The following ABCC5 variants were observed in gnomAD, a reference collection of about 807,000 sequenced individuals.
The protein encoded by ABCC5 is ATP binding cassette subfamily C member 5.
In ABCC5, 61 loss-of-function variants were observed where a neutral mutation model predicts 160.9. The ratio of observed to expected loss-of-function variants is 0.38; its 90% CI spans 0.31 to 0.47. The LOEUF (loss-of-function observed/expected upper bound fraction) is 0.47, where lower values mean the gene tolerates loss of function less well. ABCC5 is among the 20% of genes least tolerant of loss of function. The pLI is 0.99. For missense variants in ABCC5, 1,308 were observed against 1,813.3 expected, an observed-to-expected ratio of 0.72 and a Z score of 5.06; for synonymous variants, 666 against 700.6, an observed-to-expected ratio of 0.95 and a Z score of 0.78.
At chr3:183,923,098 C>G (rs563653140) in intron 29 of ABCC5, among the ~76,000 whole-genome samples, 10 of 151,986 alleles carry the variant, frequency 6.6e-5, no homozygotes, top group Admixed American at 4.6e-4. Flanking sequence ...TATTACAATG[C>G]TCGTCTCTGG....
chr3:183,927,231 G>T, intron 28 of ABCC5, 99 bp downstream of exon 28: 1 of 1,199,264 alleles, frequency 8.3e-7, no homozygotes, highest in Non-Finnish European at 1.2e-6. Context: ...GTGCCAACAG[G>T]GATCAGAGCC....
intron 8 of ABCC5, among the ~76,000 whole-genome samples, chr3:183,979,873 C>G (rs370316797): frequency 2.0e-3 from 297 of 151,364 alleles, no homozygotes; most frequent in African/African-American, 6.8e-3. Flanking sequence ...CCTCGCCCGG[C>G]CAATACTTTT....
rs201860498 is a variant in ABCC5, at chr3:183,985,471, G to A, written c.591+2299C>T. 8.5e-4 allele frequency: 926 copies of A among 1,083,700 alleles called. 3 individuals carry two copies. The highest frequency in any genetic ancestry group is 1.2e-3 in the Non-Finnish European group (858 of 696,712). The allele number at this position is 1,083,700 out of a possible 1,614,324, so 67.1% of individuals were successfully genotyped here. A position where few individuals can be genotyped will look rare whatever the true frequency, so the allele number is the denominator to read the frequency against. On this transcript the variant is annotated intron_variant, in intron 5 of 29. Transcript: ENST00000334444. ...ACCAAGCAAGCTGCAGGTGGAGAGA[G>A]GTTGGAAGGGTGGGAAACTTACCTC...
At chr3:183,944,408 AT>A (rs1255669382) in intron 24 of ABCC5, among the ~76,000 whole-genome samples, 14 of 152,150 alleles carry the variant, frequency 9.2e-5, no homozygotes, top group Non-Finnish European at 1.9e-4. Flanking sequence ...AAATAAAAAA[AT>A]AAAAAATAAA....
chr3:183,946,065 A>G, intron 23 of ABCC5, 126 bp from the exon 24 acceptor site: 1 of 840,884 alleles, frequency 1.2e-6, no homozygotes, highest in Non-Finnish European at 2.0e-6. Flanking sequence ...GGTCTTAGGG[A>G]CCTAGTCATT....
rs1215522076 is a variant in ABCC5, at chr3:183,982,430, T to G, written c.999+21A>C. Reference sequence around the variant, plus strand: ...TCTCCTAAGGAGAAGCTGCCAGGATTCAGCTGGGAGGCTTACTCACCATTG... The same window carrying G: ...TCTCCTAAGGAGAAGCTGCCAGGATGCAGCTGGGAGGCTTACTCACCATTG... On this transcript the variant is annotated intron_variant, in intron 7 of 29. Transcript: ENST00000334444. The surrounding 1 kb of genome is among the most constrained non-coding windows in gnomAD (Gnocchi z 5.2). 4 of 1,609,388 alleles carry G rather than the reference T, an allele frequency of 2.5e-6. No homozygotes were observed. The highest frequency in any genetic ancestry group is 2.5e-6 in the Non-Finnish European group (3 of 1,177,396).
At chr3:183,962,283 C>T (rs529951895) in intron 15 of ABCC5, among the ~76,000 whole-genome samples, 1 of 152,144 alleles carries the variant, frequency 6.6e-6, no homozygotes, top group African/African-American at 2.4e-5. Flanking sequence ...TTTTTCAATA[C>T]TATGCTGAAA....
At chr3:183,952,919 C>G (rs1162660447) in intron 18 of ABCC5, among the ~76,000 whole-genome samples, 167 bp downstream of exon 18, 3 of 152,162 alleles carry the variant, frequency 2.0e-5, no homozygotes, top group South Asian at 2.1e-4. Context: ...CGTTTTTTTC[C>G]TTCTGGTGAG....
At chr3:183,924,663 T>A (rs1290439538) in intron 29 of ABCC5, among the ~76,000 whole-genome samples, 1 of 152,200 alleles carries the variant, frequency 6.6e-6, no homozygotes, top group Non-Finnish European at 1.5e-5. Context: ...ACTGTAGTAC[T>A]AAGCACTGCT....
At chr3:183,984,718 T>C in intron 5 of ABCC5, 2 of 1,529,078 alleles carry the variant, frequency 1.3e-6, no homozygotes, top group Non-Finnish European at 1.7e-6. Context: ...TACAGCCGGG[T>C]TGCTGGTTTA....
chr3:183,944,712 C>T lies in ABCC5; in HGVS notation c.3504+1138G>A, dbSNP rs1164228044. ...AACACAAATTCGTCAACTTTCTTAACATATTATGAGACTTTTTTTTGCCAT... is the reference window on the plus strand; with the variant it reads ...AACACAAATTCGTCAACTTTCTTAATATATTATGAGACTTTTTTTTGCCAT... On this transcript the variant is annotated intron_variant, in intron 24 of 29. Coordinates refer to ENST00000334444, the MANE Select transcript of ABCC5 (RefSeq NM_005688.4). 5.9e-5 allele frequency among the ~76,000 whole-genome samples: 9 copies of T among 152,260 alleles called. 1 individual carries two copies. The East Asian group carries it at 1.5e-3, about 26-fold the overall frequency.
intron 2 of ABCC5, among the ~76,000 whole-genome samples, chr3:184,004,308 G>C (rs997217323): frequency 1.7e-4 from 25 of 151,364 alleles, no homozygotes; most frequent in Admixed American, 3.9e-4. Context: ...GTCAGGACTC[G>C]AGACCAGCCT....
intron 27 of ABCC5, chr3:183,927,688 G>A (rs995735030): frequency 1.9e-5 from 19 of 985,174 alleles, no homozygotes; most frequent in East Asian, 2.3e-4. Flanking sequence ...AAATCCCAAC[G>A]CTTTCATGTC....
At position 183,958,682 on chromosome 3, in the gene ABCC5, C is replaced by T. The variant is rs1050877498; in HGVS notation, c.2482+1051G>A. Among the ~76,000 whole-genome samples the T allele has an allele frequency of 5.3e-5, 8 of 151,896 alleles. No individual in the cohort carries two copies. The East Asian group carries it at 1.4e-3, about 26-fold the overall frequency. On this transcript the variant is annotated intron_variant, in intron 17 of 29. Transcript: ENST00000334444. ...TTTTTTTTTTTGTCAGGATCTCACTCGGTCCCCCAGGCTGGAGCGCAGTGG... is the reference window on the plus strand; with the variant it reads ...TTTTTTTTTTTGTCAGGATCTCACTTGGTCCCCCAGGCTGGAGCGCAGTGG...
rs181578473 is a variant in ABCC5, at chr3:183,981,170, C to A, written c.1147+557G>T. ...TTAATTATCTACTACTTAAATTTCA[C>A]CTGTTTCAAGGCACACTGGTTCAAT... On this transcript the variant is annotated intron_variant, in intron 8 of 29. Transcript: ENST00000334444. 2.1e-3 allele frequency among the ~76,000 whole-genome samples: 314 copies of A among 152,280 alleles called. 1 individual carries two copies. Among genetic ancestry groups the A allele is most frequent in the African/African-American group, 7.1e-3 (294 of 41,542 alleles).
In ABCC5 at chr3:183,927,711, TCA is replaced by T. The variant is rs1021934343; in HGVS notation, c.3934-270_3934-269del. The T allele has an allele frequency of 5.1e-6, 5 of 985,252 alleles. No homozygotes were observed. In the African/African-American group the frequency reaches 8.7e-5, roughly 17 times the overall value. 61.0% of individuals were successfully genotyped at this position (985,252 alleles called of 1,614,324 possible). On this transcript the variant is annotated intron_variant, in intron 27 of 29. Transcript: ENST00000334444. The stretch of plus-strand genomic sequence containing the variant: ...ACGCTTTCATGTCCCCAAAATCCAG[TCA>T]CATAGTGGGCCTTAAGTTTTGGTTC...
chr3:183,998,935 C>G (rs1181097182), intron 2 of ABCC5, among the ~76,000 whole-genome samples: 1 of 151,730 alleles, frequency 6.6e-6, no homozygotes. Context: ...ACTAAAAATA[C>G]AAAAATTAGG....
intron 2 of ABCC5, 29 bp from the exon 3 acceptor site, chr3:183,989,412 G>A (rs1454854630): frequency 1.2e-6 from 2 of 1,612,202 alleles, no homozygotes; most frequent in Non-Finnish European, 1.7e-6. Context: ...AGAAAGGCAA[G>A]AGCACAGTTA....
chr3:183,949,938 G>A lies in ABCC5; in HGVS notation c.3098+34C>T, dbSNP rs375526963. On this transcript the variant is annotated intron_variant, in intron 21 of 29. Coordinates refer to ENST00000334444, the MANE Select transcript of ABCC5 (RefSeq NM_005688.4). The surrounding 1 kb of genome is among the most constrained non-coding windows in gnomAD (Gnocchi z 4.2). ...CCTACCCAGCAACTGAGGCTTCTCC[G>A]TGGCCCCAGCAGACATGAACGCTTC... 48 of 1,613,874 alleles carry A rather than the reference G, an allele frequency of 3.0e-5. No individual in the cohort carries two copies. The highest frequency in any genetic ancestry group is 4.5e-5 in the East Asian group (2 of 44,900).
Sources: gnomAD v4.1 joint callset for allele counts (sites outside exome capture counted in the v4.1 genomes callset) on GRCh38, gnomAD v4.1.1 for gene constraint, Gnocchi (gnomAD v3.1) non-coding constraint, MANE v1.5 for transcripts, NCBI Gene and HGNC (gene_info 2026-07-23, HGNC 2026-07-21) for gene names.